C16orf89: variants seen among roughly 807,000 people sequenced by gnomAD.
C16orf89 encodes chromosome 16 open reading frame 89, also known as UPF0764 protein C16orf89.
Under a neutral mutation model 41.5 loss-of-function variants are expected in C16orf89, and 57 were observed. The observed-to-expected ratio is 1.38, with a 90% CI of 1.11 to 1.71. The LOEUF is 1.71. Among genes scored for constraint, C16orf89 ranks in the 40% most tolerant of loss-of-function variants. The pLI is 0.00. For synonymous variants in C16orf89, 223 were observed against 190.6 expected, an observed-to-expected ratio of 1.17 and a Z score of -1.40; for missense variants, 575 against 445.9, an observed-to-expected ratio of 1.29 and a Z score of -2.61.
intron 1 of C16orf89, among the ~76,000 whole-genome samples, chr16:5,063,305 C>T (rs1042573677): frequency 6.6e-6 from 1 of 152,142 alleles, no homozygotes; most frequent in Admixed American, 6.5e-5. Context: ...CTCTGGCACG[C>T]CCCCTCTGCT....
chr16:5,056,093 G>C lies in C16orf89; in HGVS notation c.723C>G (p.Ile241Met), dbSNP rs535300927. The change falls in exon 5 of 8, where the codon ATC (isoleucine) becomes ATG (methionine). Residue 241 changes from isoleucine to methionine, a missense_variant. Physicochemically the swap from Ile to Met is conservative, Grantham distance 10 (BLOSUM62 1). Coordinates refer to ENST00000472572, the MANE Select transcript of C16orf89 (RefSeq NM_001098514.3). ...TGTCCCGGGTAGGGTAGGCGTATCC[G>C]ATGGCCTCAGCTCTGCGGTTCAAGT... ...MMDLNRRAEA[I>M]GYAYPTRDIF... 1.3e-6 allele frequency: 2 copies of C among 1,597,700 alleles called. No homozygotes were observed. The highest frequency in any genetic ancestry group is 1.1e-5 in the South Asian group (1 of 90,768).
chr16:5,057,343 G>A (rs932809720), intron 4 of C16orf89, among the ~76,000 whole-genome samples: 9 of 144,760 alleles, frequency 6.2e-5, no homozygotes, highest in African/African-American at 1.5e-4. Flanking sequence ...TATATATAGT[G>A]GTATATATAG....
chr16:5,057,266 A>G (rs1308976921), intron 4 of C16orf89, among the ~76,000 whole-genome samples: 5 of 139,444 alleles, frequency 3.6e-5, no homozygotes, highest in Non-Finnish European at 7.7e-5. Flanking sequence ...AAAGAAATAT[A>G]CATATATATA....
intron 6 of C16orf89, among the ~76,000 whole-genome samples, chr16:5,052,873 C>G (rs1414848470): frequency 6.6e-6 from 1 of 152,168 alleles, no homozygotes; most frequent in Non-Finnish European, 1.5e-5. Context: ...ATACAGCAAC[C>G]TGAGTTTCTA....
intron 1 of C16orf89, among the ~76,000 whole-genome samples, chr16:5,064,687 A>T (rs761524382): frequency 6.6e-6 from 1 of 152,094 alleles, no homozygotes; most frequent in Non-Finnish European, 1.5e-5. Context: ...ATTCCTAGGG[A>T]ATCTGTTATG....
chr16:5,044,677 A>G, intron 7 of C16orf89, 199 bp from the exon 8 acceptor site: 1 of 1,149,592 alleles, frequency 8.7e-7, no homozygotes, highest in Non-Finnish European at 1.2e-6. Flanking sequence ...CCCTGTCTCT[A>G]CTAAAAAAAT....
chr16:5,062,562 C>G lies in C16orf89; in HGVS notation c.221G>C (p.Ser74Thr), dbSNP rs190337475. ...CTCCTGGGCCCACTTCTCCCGGACA[C>G]TTTTTAGCTGCTCTGGAAGGGAACA... ...GVRVLEEQLKSVREKWAQEPL... is the reference protein window; with the variant it reads ...GVRVLEEQLKTVREKWAQEPL... The change falls in exon 2 of 8, where the codon AGT (serine) becomes ACT (threonine). Residue 74 changes from serine (S) to threonine (T), a missense_variant. Transcript: ENST00000472572. 391 of 1,610,302 alleles carry G rather than the reference C, an allele frequency of 2.4e-4. No homozygotes were observed. The highest frequency in any genetic ancestry group is 3.0e-4 in the Non-Finnish European group (354 of 1,178,316).
rs952918326 is a variant in C16orf89 at position 5,055,152 on chromosome 16, C to T, written c.868+94G>A. On this transcript the variant is annotated intron_variant, in intron 6 of 7. Transcript: ENST00000472572. ...GTTACAAATCCCTTGGCAACCTTAA[C>T]ACCAATGCATTGTTCCCACACCTGG... 10 of 1,069,162 alleles carry T rather than the reference C, an allele frequency of 9.4e-6. No individual in the cohort carries two copies. The African/African-American group carries it at 1.4e-4, about 15-fold the overall frequency. The allele number at this position is 1,069,162 out of a possible 1,614,324, so 66.2% of individuals were successfully genotyped here.
chr16:5,049,422 G>T (rs555006337), intron 6 of C16orf89, among the ~76,000 whole-genome samples: 2 of 152,266 alleles, frequency 1.3e-5, no homozygotes, highest in Non-Finnish European at 2.9e-5. Context: ...TCAGCACATG[G>T]AACAGTCTCC....
rs1008201898 is a variant in C16orf89, at chr16:5,047,920, G to C, written c.913C>G (p.His305Asp). 3.1e-6 allele frequency: 5 copies of C among 1,604,992 alleles called. No homozygotes were observed. In the African/African-American group the frequency reaches 5.3e-5, roughly 17 times the overall value. The change falls in exon 7 of 8, where the codon CAT (histidine) becomes GAT (aspartate). Residue 305 changes from histidine (H) to aspartate (D), a missense_variant. By Grantham distance (81) the His-to-Asp change is moderately conservative. Coordinates refer to ENST00000472572, the MANE Select transcript of C16orf89 (RefSeq NM_001098514.3). ...CGCCTCTTCACTCTCCTCGAAAAAT[G>C]CTGCTGATATTGAATAGCTTTAGAT... ...ELSKAIQYQQ[H>D]FSRRVKRREK...
chr16:5,055,401 CCT>C, intron 5 of C16orf89, 51 bp from the exon 6 acceptor site: 1 of 1,460,864 alleles, frequency 6.8e-7, no homozygotes, highest in South Asian at 1.2e-5. Context: ...AGGCCCACCT[CCT>C]CCCACTCCCC....
chr16:5,044,709 T>G, intron 7 of C16orf89: 4 of 987,398 alleles, frequency 4.1e-6, no homozygotes, highest in Non-Finnish European at 5.7e-6. Flanking sequence ...CCAGGTATGG[T>G]GGCACGCTCC....
Position 5,044,242 on chromosome 16 carries a change from C to A in C16orf89, c.*106G>T. ...GTGTCGGGGTGGCTTTGCTTATCCT[C>A]CAGATGCCTTCTTCCCAGGATGTGA... On this transcript the variant is annotated 3_prime_UTR_variant, in exon 8 of 8. Coordinates refer to ENST00000472572, the MANE Select transcript of C16orf89 (RefSeq NM_001098514.3). 6.9e-7 allele frequency: 1 copy of A among 1,457,790 alleles called. No homozygotes were observed. 90.3% of individuals were successfully genotyped at this position (1,457,790 alleles called of 1,614,324 possible). A position where few individuals can be genotyped will look rare whatever the true frequency, so the allele number is the denominator to read the frequency against.
chr16:5,051,510 C>G (rs976433237), intron 6 of C16orf89, among the ~76,000 whole-genome samples: 1 of 151,980 alleles, frequency 6.6e-6, no homozygotes, highest in African/African-American at 2.4e-5. Context: ...AAGATCTCTA[C>G]AAGGAAAACT....
chr16:5,050,370 A>G (rs1042233420), intron 6 of C16orf89, among the ~76,000 whole-genome samples: 12 of 149,660 alleles, frequency 8.0e-5, no homozygotes, highest in East Asian at 3.9e-4. Context: ...TCTGTCTCCA[A>G]AAAAAAAAAG....
intron 4 of C16orf89, among the ~76,000 whole-genome samples, chr16:5,057,979 G>A (rs1386690280): frequency 6.6e-6 from 1 of 152,052 alleles, no homozygotes; most frequent in Non-Finnish European, 1.5e-5. Flanking sequence ...CCAAATGCCA[G>A]ATCCCAAATC....
chr16:5,059,965 G>A lies in C16orf89; in HGVS notation c.509+321C>T, dbSNP rs890479881. Among the ~76,000 whole-genome samples the A allele has an allele frequency of 2.6e-5, 4 of 152,034 alleles. 1 individual carries two copies. In the East Asian group the frequency reaches 7.8e-4, roughly 30 times the overall value. On this transcript the variant is annotated intron_variant, in intron 3 of 7. Transcript: ENST00000472572. ...TTGAAGTGGGAGGAAGCCTTGGAGA[G>A]TCTGAAAAGAGGCCTCTAGGGGCCT...
intron 4 of C16orf89, among the ~76,000 whole-genome samples, chr16:5,057,434 GGTA>G (rs1956534053): frequency 1.4e-5 from 2 of 146,670 alleles, no homozygotes; most frequent in East Asian, 2.0e-4. Flanking sequence ...TAGTGTGTAT[GGTA>G]GTATATATAT....
intron 7 of C16orf89, among the ~76,000 whole-genome samples, chr16:5,044,997 A>G (rs1956269461): frequency 6.6e-6 from 1 of 152,164 alleles, no homozygotes; most frequent in Non-Finnish European, 1.5e-5. Flanking sequence ...GTCCCTCCCA[A>G]ATAACTTACC....
Sources: gnomAD v4.1 joint callset for allele counts (sites outside exome capture counted in the v4.1 genomes callset) on GRCh38, gnomAD v4.1.1 for gene constraint, MANE v1.5 for transcripts, NCBI Gene and HGNC (gene_info 2026-07-23, HGNC 2026-07-21) for gene names.